The following KCNQ5 variants were observed in gnomAD, a reference collection of about 807,000 sequenced individuals.
KCNQ5 encodes potassium voltage-gated channel subfamily KQT member 5.
KCNQ5 carries 30 observed loss-of-function variants against 98.2 expected under a neutral mutation model. The observed-to-expected ratio is 0.31, with a 90% CI of 0.23 to 0.41. The LOEUF (loss-of-function observed/expected upper bound fraction) is 0.41, where lower values mean the gene tolerates loss of function less well. Ranked by LOEUF, KCNQ5 falls within the 10% of genes least tolerant of loss-of-function variation. The pLI, the probability that KCNQ5 is intolerant of heterozygous loss-of-function variation, is 1.00. For missense variants in KCNQ5, 835 were observed against 1,182.5 expected (o/e 0.71, Z 4.31); for synonymous variants, 458 against 449.4 (o/e 1.02, Z -0.24).
intron 9 of KCNQ5, chr6:73,125,300 T>G (rs1416033442): frequency 2.9e-6 from 1 of 350,678 alleles, no homozygotes; most frequent in Non-Finnish European, 5.8e-6. Flanking sequence ...AAAGAAAAAT[T>G]TCTTGATCTG....
chr6:72,944,734 C>T (rs1018523787), intron 1 of KCNQ5, among the ~76,000 whole-genome samples: 2 of 152,302 alleles, frequency 1.3e-5, no homozygotes, highest in South Asian at 2.1e-4. Flanking sequence ...TGCCACCAAC[C>T]TGTGGCAGCC....
At chr6:73,105,435 C>A in intron 6 of KCNQ5, 68 bp downstream of exon 6, 1 of 871,396 alleles carries the variant, frequency 1.1e-6, no homozygotes, top group Non-Finnish European at 1.8e-6. Flanking sequence ...TGAGCTCTCA[C>A]AAATTCGTAT....
intron 5 of KCNQ5, among the ~76,000 whole-genome samples, chr6:73,083,295 A>T (rs866529247): frequency 4.6e-5 from 7 of 152,198 alleles, no homozygotes; most frequent in African/African-American, 1.7e-4. Context: ...AGAAAGAAAG[A>T]TGGATGGTTT....
intron 1 of KCNQ5, among the ~76,000 whole-genome samples, chr6:72,834,869 C>G (rs143174085): frequency 6.6e-6 from 1 of 152,014 alleles, no homozygotes; most frequent in Non-Finnish European, 1.5e-5. Flanking sequence ...TCTTTTGGTT[C>G]CAGGTCCCAT....
At chr6:73,170,934 C>CA (rs1357385124) in intron 11 of KCNQ5, among the ~76,000 whole-genome samples, 1 of 146,996 alleles carries the variant, frequency 6.8e-6, no homozygotes, top group Admixed American at 6.7e-5. Context: ...ATTCTGCCTC[C>CA]AAAAAATAAA....
At chr6:72,656,028 C>G (rs1766176444) in intron 1 of KCNQ5, among the ~76,000 whole-genome samples, 1 of 152,236 alleles carries the variant, frequency 6.6e-6, no homozygotes, top group South Asian at 2.1e-4. Flanking sequence ...TCCATTTGCC[C>G]TCAGATATTT....
chr6:72,628,306 C>A (rs759564549), intron 1 of KCNQ5, among the ~76,000 whole-genome samples: 1 of 152,156 alleles, frequency 6.6e-6, no homozygotes, highest in East Asian at 1.9e-4. Context: ...GAGATTAGTG[C>A]TTTGCTTGTA....
At position 73,192,678 on chromosome 6, in the gene KCNQ5, A is replaced by G. The variant is rs1188396159; in HGVS notation, c.1823A>G (p.Lys608Arg). 6 of 1,590,746 alleles carry G rather than the reference A, an allele frequency of 3.8e-6. No individual in the cohort carries two copies. The highest frequency in any genetic ancestry group is 5.1e-6 in the Non-Finnish European group (6 of 1,169,574). The part of the protein sequence containing the change: ...DDLSMLGRVV[K>R]VEKQVQSIES... Reference sequence around the variant, plus strand: ...CTCAGTATGCTCGGTCGGGTGGTCAAGGTTGAAAAACAGGTACAACTCAAC... The same window carrying G: ...CTCAGTATGCTCGGTCGGGTGGTCAGGGTTGAAAAACAGGTACAACTCAAC... The change falls in exon 13 of 14, where the codon AAG (lysine) becomes AGG (arginine). Residue 608 changes from lysine (K) to arginine (R), a missense_variant. Around this residue, in one of 10 missense-constraint regions of KCNQ5, gnomAD observed 416 missense variants for 446.9 expected, o/e 0.93. Transcript: ENST00000370398.
At chr6:72,950,330 A>G (rs1306466786) in intron 1 of KCNQ5, among the ~76,000 whole-genome samples, 1 of 152,240 alleles carries the variant, frequency 6.6e-6, no homozygotes, top group Non-Finnish European at 1.5e-5. Context: ...GGGTTTCATC[A>G]TCCTCTACAG....
At chr6:72,927,778 G>A (rs1389204334) in intron 1 of KCNQ5, among the ~76,000 whole-genome samples, 2 of 151,824 alleles carry the variant, frequency 1.3e-5, no homozygotes, top group South Asian at 2.1e-4. Flanking sequence ...TTTTAATTAA[G>A]CATATTGGTA....
At chr6:72,839,725 A>T (rs1776699984) in intron 1 of KCNQ5, among the ~76,000 whole-genome samples, 1 of 152,212 alleles carries the variant, frequency 6.6e-6, no homozygotes, top group Non-Finnish European at 1.5e-5. Context: ...TGATGTTTTG[A>T]TATATGTATA....
At chr6:72,742,260 G>A (rs1018215302) in intron 1 of KCNQ5, among the ~76,000 whole-genome samples, 1 of 152,192 alleles carries the variant, frequency 6.6e-6, no homozygotes, top group Non-Finnish European at 1.5e-5. Flanking sequence ...TTAATGCCAT[G>A]CAATTCAAGG....
At chr6:72,788,906 T>C (rs1217765963) in intron 1 of KCNQ5, among the ~76,000 whole-genome samples, 1 of 152,208 alleles carries the variant, frequency 6.6e-6, no homozygotes, top group African/African-American at 2.4e-5. Context: ...CCTTTCTTAT[T>C]TGTTGGTTTC....
intron 1 of KCNQ5, among the ~76,000 whole-genome samples, chr6:72,884,705 C>T (rs930889239): frequency 5.9e-5 from 9 of 152,036 alleles, no homozygotes; most frequent in Non-Finnish European, 8.8e-5. Context: ...CAACTTCAGC[C>T]TCCTGGGCTT....
At chr6:73,174,999 A>G (rs1444920052) in intron 11 of KCNQ5, among the ~76,000 whole-genome samples, 2 of 152,052 alleles carry the variant, frequency 1.3e-5, no homozygotes, top group African/African-American at 2.4e-5. Context: ...TGAGAAGAGC[A>G]CTTTGTTCTG....
At chr6:72,779,821 C>CTGTGTGTGTGTG (rs35526812) in intron 1 of KCNQ5, among the ~76,000 whole-genome samples, 5 of 124,834 alleles carry the variant, frequency 4.0e-5, no homozygotes, top group Non-Finnish European at 6.8e-5. Context: ...ATTTAATTTT[C>CTGTGTGTGTGTG]TGTGTGTGTG....
chr6:72,783,936 G>T (rs905144529), intron 1 of KCNQ5, among the ~76,000 whole-genome samples: 1 of 152,178 alleles, frequency 6.6e-6, no homozygotes, highest in Non-Finnish European at 1.5e-5. Context: ...CAAGGCTTGT[G>T]TGGGTTTACC....
At chr6:72,934,018 C>G (rs896538527) in intron 1 of KCNQ5, among the ~76,000 whole-genome samples, 1 of 152,160 alleles carries the variant, frequency 6.6e-6, no homozygotes, top group African/African-American at 2.4e-5. Context: ...TATGATCATA[C>G]TACTACACTC....
At chr6:72,711,047 G>C (rs1178145826) in intron 1 of KCNQ5, among the ~76,000 whole-genome samples, 2 of 152,090 alleles carry the variant, frequency 1.3e-5, no homozygotes, top group Admixed American at 1.3e-4. Flanking sequence ...TGGAAAATTA[G>C]CAAATATGTG....
Sources: gnomAD v4.1 joint callset for allele counts (sites outside exome capture counted in the v4.1 genomes callset) on GRCh38, gnomAD v4.1.1 for gene constraint, gnomAD v4.1.1 regional missense constraint, MANE v1.5 for transcripts, NCBI Gene and HGNC (gene_info 2026-07-23, HGNC 2026-07-21) for gene names.